Variants in RXFP1 observed in about 807,000 individuals in gnomAD.
The protein encoded by RXFP1 is relaxin family peptide receptor 1.
RXFP1 carries 73 observed loss-of-function variants against 89.8 expected under a neutral mutation model. The observed-to-expected ratio is 0.81, with a 90% CI of 0.67 to 0.99. The LOEUF (loss-of-function observed/expected upper bound fraction) is 0.99. RXFP1 is among the 50% of genes least tolerant of loss of function. The probability of loss-of-function intolerance (pLI) is 0.00; values close to 1 mark genes in which losing one functional copy is unlikely to be tolerated. For missense variants in RXFP1, 793 were observed against 895.5 expected (o/e 0.89, Z 1.46); for synonymous variants, 277 against 305.5 (o/e 0.91, Z 0.97).
At chr4:158,584,719 G>C (rs545249901) in intron 2 of RXFP1, among the ~76,000 whole-genome samples, 1 of 152,134 alleles carries the variant, frequency 6.6e-6, no homozygotes, top group Non-Finnish European at 1.5e-5. Flanking sequence ...CACCTGGGGG[G>C]CTGTGAAAGA....
intron 2 of RXFP1, among the ~76,000 whole-genome samples, chr4:158,577,455 A>T (rs1350449347): frequency 1.3e-5 from 2 of 152,250 alleles, no homozygotes; most frequent in Non-Finnish European, 2.9e-5. Flanking sequence ...GTCATGTAAA[A>T]TACAATATCT....
intron 1 of RXFP1, among the ~76,000 whole-genome samples, chr4:158,546,601 T>C (rs541860563): frequency 6.6e-6 from 1 of 152,314 alleles, no homozygotes; most frequent in African/African-American, 2.4e-5. Context: ...CATAGATAGC[T>C]CTTATTATTT....
At chr4:158,585,363 G>A (rs1758088636) in intron 2 of RXFP1, among the ~76,000 whole-genome samples, 1 of 152,080 alleles carries the variant, frequency 6.6e-6, no homozygotes, top group Non-Finnish European at 1.5e-5. Context: ...GCCTGATAAA[G>A]CACTGTGACA....
chr4:158,601,263 C>A (rs1033698951), intron 4 of RXFP1, among the ~76,000 whole-genome samples: 1 of 151,956 alleles, frequency 6.6e-6, no homozygotes, highest in African/African-American at 2.4e-5. Context: ...TGATTGTCTG[C>A]AAGAAGGCAA....
chr4:158,576,754 A>G (rs1479588564), intron 2 of RXFP1, among the ~76,000 whole-genome samples: 1 of 151,778 alleles, frequency 6.6e-6, no homozygotes, highest in Non-Finnish European at 1.5e-5. Flanking sequence ...ATCTAGAAAT[A>G]GAAAAAAAAA....
intron 15 of RXFP1, 140 bp from the exon 16 acceptor site, chr4:158,646,651 T>C: frequency 1.4e-6 from 2 of 1,438,168 alleles, no homozygotes; most frequent in Non-Finnish European, 1.8e-6. Context: ...GTAAATGAAT[T>C]ATTAGGAGAA....
intron 1 of RXFP1, among the ~76,000 whole-genome samples, chr4:158,558,638 T>A (rs993566607): frequency 2.0e-5 from 3 of 152,132 alleles, no homozygotes; most frequent in African/African-American, 7.2e-5. Context: ...GAGAAATATA[T>A]CAAAACCTTA....
chr4:158,616,646 C>CT (rs1764632296), intron 8 of RXFP1, among the ~76,000 whole-genome samples: 1 of 145,552 alleles, frequency 6.9e-6, no homozygotes, highest in Non-Finnish European at 1.5e-5. Flanking sequence ...CAAGTATTTA[C>CT]ATATAATTAG....
At chr4:158,539,225 G>A (rs1307771333) in intron 1 of RXFP1, among the ~76,000 whole-genome samples, 10 of 152,032 alleles carry the variant, frequency 6.6e-5, no homozygotes, top group African/African-American at 2.2e-4. Context: ...GCAAACTATC[G>A]CAAGGACAAA....
intron 17 of RXFP1, among the ~76,000 whole-genome samples, chr4:158,651,338 C>A (rs1043178976): frequency 6.6e-6 from 1 of 152,248 alleles, no homozygotes; most frequent in Admixed American, 6.5e-5. Context: ...TAAATACAAG[C>A]TTACATATTC....
intron 1 of RXFP1, among the ~76,000 whole-genome samples, chr4:158,557,747 G>A (rs1442311910): frequency 2.0e-5 from 3 of 152,194 alleles, no homozygotes; most frequent in African/African-American, 7.2e-5. Flanking sequence ...ATCACTAAAA[G>A]CGAGATGCAT....
chr4:158,562,154 A>C (rs961985827), intron 1 of RXFP1, among the ~76,000 whole-genome samples: 1 of 151,984 alleles, frequency 6.6e-6, no homozygotes, highest in African/African-American at 2.4e-5. Flanking sequence ...CATAAAAAAC[A>C]CTCCAACCCC....
chr4:158,633,989 G>C (rs148797549), intron 12 of RXFP1, among the ~76,000 whole-genome samples: 196 of 152,228 alleles, frequency 1.3e-3, no homozygotes, highest in Admixed American at 3.5e-3. Flanking sequence ...TATGAACATG[G>C]GCGTACAAAT....
intron 17 of RXFP1, among the ~76,000 whole-genome samples, chr4:158,651,508 G>T (rs1276883023): frequency 6.6e-6 from 1 of 152,062 alleles, no homozygotes; most frequent in Admixed American, 6.6e-5. Flanking sequence ...GAATATTTTT[G>T]TTAGTGTATT....
intron 9 of RXFP1, among the ~76,000 whole-genome samples, chr4:158,626,130 A>AGATAGAT (rs2150181689): frequency 7.0e-6 from 1 of 143,374 alleles, no homozygotes; most frequent in South Asian, 2.3e-4. Flanking sequence ...ATAGATAGAT[A>AGATAGAT]GATAGATAGA....
At chr4:158,533,002 G>A (rs1375081740) in intron 1 of RXFP1, among the ~76,000 whole-genome samples, 3 of 152,168 alleles carry the variant, frequency 2.0e-5, no homozygotes, top group African/African-American at 7.2e-5. Context: ...GGGACAGGGT[G>A]CTTCCTTCTC....
At chr4:158,599,749 G>A (rs1438681330) in intron 4 of RXFP1, among the ~76,000 whole-genome samples, 1 of 152,068 alleles carries the variant, frequency 6.6e-6, no homozygotes, top group Admixed American at 6.6e-5. Flanking sequence ...ATTACATAGA[G>A]CTTTCCTATT....
intron 1 of RXFP1, among the ~76,000 whole-genome samples, chr4:158,529,511 C>T (rs1160741277): frequency 6.6e-6 from 1 of 152,110 alleles, no homozygotes; most frequent in Non-Finnish European, 1.5e-5. Context: ...CCGCCCACCT[C>T]AGCCTCTCAA....
rs143560049 is a variant in RXFP1, at chr4:158,543,818, C to T, written c.49+21793C>T. 955 of 985,068 alleles carry T rather than the reference C, an allele frequency of 9.7e-4. 8 individuals carry two copies. In the African/African-American group the frequency reaches 0.015, roughly 16 times the overall value. 61.0% of individuals were successfully genotyped at this position (985,068 alleles called of 1,614,324 possible). On this transcript the variant is annotated intron_variant, in intron 1 of 17. Coordinates refer to ENST00000307765, the MANE Select transcript of RXFP1 (RefSeq NM_021634.4). The stretch of plus-strand genomic sequence containing the variant: ...CAACAGCTGGTACTGCCTCTTCCTT[C>T]GACACAGAAGAAAACCTAAAATCCA...
Sources: gnomAD v4.1 joint callset for allele counts (sites outside exome capture counted in the v4.1 genomes callset) on GRCh38, gnomAD v4.1.1 for gene constraint, MANE v1.5 for transcripts, NCBI Gene and HGNC (gene_info 2026-07-23, HGNC 2026-07-21) for gene names.